PSD3: variants seen among roughly 807,000 people sequenced by gnomAD.
PSD3 encodes the protein PH and SEC7 domain-containing protein 3.
PSD3 carries 49 observed loss-of-function variants against 105.5 expected under a neutral mutation model. That is an observed-to-expected ratio of 0.46 (90% CI 0.37 to 0.59). The LOEUF is 0.59. Among genes scored for constraint, PSD3 ranks in the 20% least tolerant of loss-of-function variants. The probability of loss-of-function intolerance (pLI) is 0.00; values close to 1 mark genes in which losing one functional copy is unlikely to be tolerated. For synonymous variants in PSD3, 557 were observed against 457.8 expected (o/e 1.22, Z -2.77); for missense variants, 1,561 against 1,263.8 (o/e 1.24, Z -3.57).
At chr8:18,976,665 T>C (rs1285915887) in intron 1 of PSD3, among the ~76,000 whole-genome samples, 4 of 152,232 alleles carry the variant, frequency 2.6e-5, no homozygotes, top group Non-Finnish European at 5.9e-5. Context: ...TTTTGAGAAT[T>C]CAAGCATAGT....
At chr8:18,743,979 ACCAC>A (rs1804786345) in intron 9 of PSD3, among the ~76,000 whole-genome samples, 1 of 144,244 alleles carries the variant, frequency 6.9e-6, no homozygotes, top group South Asian at 2.3e-4. Flanking sequence ...CACCACCACC[ACCAC>A]CACCACCACC....
chr8:18,600,589 C>T (rs2130570737), intron 11 of PSD3, among the ~76,000 whole-genome samples, 155 bp from the exon 12 acceptor site: 1 of 152,234 alleles, frequency 6.6e-6, no homozygotes, highest in South Asian at 2.1e-4. Context: ...TATGGTGTAC[C>T]AGGCGGCATT....
At chr8:18,852,176 C>T (rs958675776) in intron 4 of PSD3, among the ~76,000 whole-genome samples, 1 of 151,932 alleles carries the variant, frequency 6.6e-6, no homozygotes, top group African/African-American at 2.4e-5. Flanking sequence ...GTCTTTAGTA[C>T]TTAATTCTTT....
chr8:18,639,498 G>C (rs1460956557), intron 10 of PSD3, among the ~76,000 whole-genome samples: 1 of 152,096 alleles, frequency 6.6e-6, no homozygotes, highest in African/African-American at 2.4e-5. Context: ...CCAGCATTTA[G>C]GAATATGACC....
At chr8:18,675,777 A>C (rs1800033817) in intron 9 of PSD3, among the ~76,000 whole-genome samples, 1 of 152,234 alleles carries the variant, frequency 6.6e-6, no homozygotes, top group Non-Finnish European at 1.5e-5. Flanking sequence ...TAATGTTAGA[A>C]GAGCAACTTC....
intron 4 of PSD3, among the ~76,000 whole-genome samples, chr8:18,806,537 G>C (rs746173211): frequency 1.3e-5 from 2 of 152,248 alleles, no homozygotes; most frequent in East Asian, 1.9e-4. Context: ...CACGGCCTTC[G>C]AACACACTTA....
At chr8:18,995,749 G>A (rs916381938) in intron 1 of PSD3, among the ~76,000 whole-genome samples, 2 of 152,002 alleles carry the variant, frequency 1.3e-5, no homozygotes, top group African/African-American at 4.8e-5. Context: ...AGGCAAGAGA[G>A]CATGTGCAGG....
chr8:18,611,902 G>C (rs1487761), intron 11 of PSD3, among the ~76,000 whole-genome samples: 43,742 of 151,992 alleles, frequency 0.29, 6,631 homozygotes, highest in South Asian at 0.46. Flanking sequence ...CTAAAAGGCA[G>C]CAGGGAAGAC....
Position 18,534,220 on chromosome 8 carries a change from T to C in PSD3, c.*1523A>G, listed in dbSNP as rs1263230304. On this transcript the variant is annotated 3_prime_UTR_variant, in exon 16 of 16. Transcript: ENST00000327040. ...ATAAACTATAGAACTAGAGAAACTT[T>C]CTAAGGGAGGAAAAAGAAAAATCAA... 6.6e-6 allele frequency: 1 copy of C among 152,582 alleles called. No individual in the cohort carries two copies. The highest frequency in any genetic ancestry group is 1.5e-5 in the Non-Finnish European group (1 of 68,038). The allele number at this position is 152,582 out of a possible 1,614,324, so 9.5% of individuals were successfully genotyped here. A position where few individuals can be genotyped will look rare whatever the true frequency, so the allele number is the denominator to read the frequency against.
At chr8:18,613,354 C>A (rs756876148) in intron 11 of PSD3, among the ~76,000 whole-genome samples, 2 of 152,068 alleles carry the variant, frequency 1.3e-5, no homozygotes, top group African/African-American at 2.4e-5. Flanking sequence ...GGGGGAGGAG[C>A]CTGGTCTCTC....
rs1816774304 is a variant in PSD3, at chr8:18,865,251, TATATATATATATATATATATATATATATA to T, written c.1634+2394_1634+2422del. On this transcript the variant is annotated intron_variant, in intron 4 of 15. Coordinates refer to ENST00000327040, the MANE Select transcript of PSD3 (RefSeq NM_015310.4). Reference sequence around the variant, plus strand: ...ATATATATATATATATATATATATATATATATATATATATATATATATATATATATATATATTTTTTTTTTTTTTTTTTT... The same window carrying T: ...ATATATATATATATATATATATATATTATATATTTTTTTTTTTTTTTTTTT... 2.7e-3 allele frequency: 8 copies of T among 2,982 alleles called. 2 individuals are homozygous for T. In the South Asian group the frequency reaches 0.041, roughly 15 times the overall value. The allele number at this position is 2,982 out of a possible 1,614,324, so 0.2% of individuals were successfully genotyped here.
chr8:18,618,095 C>A (rs1343278028), intron 11 of PSD3, among the ~76,000 whole-genome samples: 2 of 152,082 alleles, frequency 1.3e-5, no homozygotes, highest in East Asian at 3.9e-4. Flanking sequence ...GGCTTCCACC[C>A]CACCACCCCC....
At chr8:18,549,269 C>A (rs1401923852) in intron 15 of PSD3, among the ~76,000 whole-genome samples, 1 of 151,264 alleles carries the variant, frequency 6.6e-6, no homozygotes, top group South Asian at 2.1e-4. Context: ...GCAACCTCTG[C>A]CTCCCGGGTT....
intron 11 of PSD3, among the ~76,000 whole-genome samples, chr8:18,603,106 A>C (rs1804557008): frequency 2.0e-5 from 3 of 152,130 alleles, no homozygotes; most frequent in Admixed American, 2.0e-4. Context: ...CTTCCGTGAG[A>C]AAGTGTTTAC....
intron 9 of PSD3, among the ~76,000 whole-genome samples, chr8:18,749,888 T>G (rs73199954): frequency 0.07 from 10,577 of 152,168 alleles, 408 homozygotes; most frequent in Middle Eastern, 0.085. Context: ...ACACAGAACT[T>G]AATCCTTCCA....
At chr8:18,904,187 G>A (rs1447096747) in intron 2 of PSD3, among the ~76,000 whole-genome samples, 1 of 152,142 alleles carries the variant, frequency 6.6e-6, no homozygotes, top group Admixed American at 6.5e-5. Flanking sequence ...ACAAGAGAGA[G>A]AGAAGGAGGT....
intron 12 of PSD3, among the ~76,000 whole-genome samples, chr8:18,592,774 T>C (rs1349719232): frequency 6.6e-6 from 1 of 151,884 alleles, no homozygotes; most frequent in Non-Finnish European, 1.5e-5. Context: ...AAATGAAAGA[T>C]ATATAGACCA....
chr8:18,876,273 A>AG (rs1359011102), intron 2 of PSD3, among the ~76,000 whole-genome samples: 3 of 152,054 alleles, frequency 2.0e-5, no homozygotes. Context: ...ATCATACGGG[A>AG]GCAGTCTTTT....
At chr8:18,767,363 T>C (rs1029240446) in intron 8 of PSD3, among the ~76,000 whole-genome samples, 2 of 152,154 alleles carry the variant, frequency 1.3e-5, no homozygotes, top group African/African-American at 4.8e-5. Flanking sequence ...CTGTTACGAG[T>C]GCAGGAGAGG....
Sources: allele counts gnomAD v4.1 joint callset (sites outside exome capture counted in the v4.1 genomes callset), GRCh38; gene constraint gnomAD v4.1.1; transcripts MANE v1.5; gene names NCBI Gene and HGNC (gene_info 2026-07-23, HGNC 2026-07-21).